ZNF578: variants seen among roughly 807,000 people sequenced by gnomAD.
ZNF578 encodes Putative chemokine-related protein B42.
ZNF578 carries 8 observed loss-of-function variants against 8.3 expected under a neutral mutation model. That is an observed-to-expected ratio of 0.96 (90% CI 0.56 to 1.74). The LOEUF is 1.74. Ranked by LOEUF, ZNF578 falls within the 40% of genes most tolerant of loss-of-function variation. The pLI, the probability that ZNF578 is intolerant of heterozygous loss-of-function variation, is 0.00. For missense variants in ZNF578, 726 were observed against 707.5 expected (o/e 1.03, Z -0.30); for synonymous variants, 206 against 232.2 (o/e 0.89, Z 1.03).
intron 3 of ZNF578, among the ~76,000 whole-genome samples, chr19:52,500,157 G>T (rs1296453448): frequency 2.0e-5 from 3 of 152,128 alleles, no homozygotes; most frequent in Non-Finnish European, 4.4e-5. Flanking sequence ...CACTGCGGCT[G>T]TGAAATCAGA....
intron 4 of ZNF578, among the ~76,000 whole-genome samples, chr19:52,504,438 G>A (rs533810021): frequency 1.1e-4 from 16 of 152,062 alleles, no homozygotes; most frequent in Admixed American, 5.2e-4. Context: ...CCATAAAATC[G>A]AGACTTCCAT....
At chr19:52,503,137 G>A (rs552790388) in intron 4 of ZNF578, among the ~76,000 whole-genome samples, 19 of 152,304 alleles carry the variant, frequency 1.2e-4, no homozygotes, top group Middle Eastern at 6.8e-3. Context: ...TGATCTGCCT[G>A]TCTTGGACTC....
intron 3 of ZNF578, among the ~76,000 whole-genome samples, chr19:52,493,579 AG>A (rs1414614371): frequency 4.6e-5 from 7 of 152,088 alleles, no homozygotes; most frequent in Non-Finnish European, 7.4e-5. Flanking sequence ...GAGTGGGGAC[AG>A]GGGGGTATAA....
At chr19:52,493,604 A>T (rs2059374576) in intron 3 of ZNF578, among the ~76,000 whole-genome samples, 1 of 152,048 alleles carries the variant, frequency 6.6e-6, no homozygotes, top group African/African-American at 2.4e-5. Context: ...GGAAGAGAGA[A>T]TTTAACAGGG....
In ZNF578 at chr19:52,511,756, G is replaced by C. The variant is rs1307552155; in HGVS notation, c.1375G>C (p.Glu459Gln). Residue 459 changes from glutamate (E) to glutamine (Q), a missense_variant, in exon 6 of 6, where the codon GAA (glutamate) becomes CAA (glutamine). Glu to Gln is a conservative substitution (Grantham distance 29). Transcript: ENST00000421239. ...TGGAGAGAAATCTTACAAATGTGAAGAATGTGACAGAGTTTTCAGTCAGAA... is the reference window on the plus strand; with the variant it reads ...TGGAGAGAAATCTTACAAATGTGAACAATGTGACAGAGTTTTCAGTCAGAA... ...HTGEKSYKCEECDRVFSQKSN... is the reference protein window; with the variant it reads ...HTGEKSYKCEQCDRVFSQKSN... 3 of 1,613,284 alleles carry C rather than the reference G, an allele frequency of 1.9e-6. No homozygotes were observed. The African/African-American group carries it at 4.0e-5, about 22-fold the overall frequency.
intron 3 of ZNF578, among the ~76,000 whole-genome samples, chr19:52,494,717 C>G (rs967306840): frequency 3.9e-5 from 6 of 152,114 alleles, no homozygotes; most frequent in African/African-American, 1.4e-4. Context: ...ATTCAGCCCG[C>G]GGGCAGTGAC....
chr19:52,511,868 C>A lies in ZNF578; in HGVS notation c.1487C>A (p.Ser496Ter). ...NECHKTFSHR[S>*]SLPCHRRLHS... is the part of the protein sequence containing the mutation. ...TGTCACAAGACCTTCAGTCACAGGTCATCTCTTCCATGCCATCGTAGACTT... is the reference window on the plus strand; with the variant it reads ...TGTCACAAGACCTTCAGTCACAGGTAATCTCTTCCATGCCATCGTAGACTT... The change falls in exon 6 of 6, where the codon TCA (serine) becomes TAA (stop). Residue 496 changes from serine (S) to a stop codon, truncating the protein, a stop_gained. Transcript: ENST00000421239. LOFTEE classifies it low-confidence loss of function (END_TRUNC). 3 of 1,613,744 alleles carry A rather than the reference C, an allele frequency of 1.9e-6. No homozygotes were observed. In the Admixed American group the frequency reaches 5.0e-5, roughly 27 times the overall value.
At chr19:52,478,553 C>A (rs959569346) in intron 2 of ZNF578, among the ~76,000 whole-genome samples, 1 of 152,014 alleles carries the variant, frequency 6.6e-6, no homozygotes, top group African/African-American at 2.4e-5. Flanking sequence ...GTGGGTGGGA[C>A]AACAGATTCT....
Position 52,512,533 on chromosome 19 carries a change from G to A in ZNF578, c.*379G>A, listed in dbSNP as rs1171073820. On this transcript the variant is annotated 3_prime_UTR_variant, in exon 6 of 6. Coordinates refer to ENST00000421239, the MANE Select transcript of ZNF578 (RefSeq NM_001099694.2). ...TTACAAATGTCATGACTGTGGCAAG[G>A]TCTTCAGTCAAGCTTCATCCTATGC... 2.0e-5 allele frequency among the ~76,000 whole-genome samples: 3 copies of A among 152,174 alleles called. No individual in the cohort carries two copies. The highest frequency in any genetic ancestry group is 3.9e-4 in the East Asian group (2 of 5,194).
intron 5 of ZNF578, among the ~76,000 whole-genome samples, chr19:52,507,363 G>T (rs2059429006): frequency 1.3e-5 from 2 of 152,150 alleles, no homozygotes; most frequent in South Asian, 4.1e-4. Context: ...ACTCCAGCCT[G>T]TATGACAGAG....
At chr19:52,465,409 C>T (rs1413944800) in intron 2 of ZNF578, among the ~76,000 whole-genome samples, 2 of 152,132 alleles carry the variant, frequency 1.3e-5, no homozygotes, top group Non-Finnish European at 1.5e-5. Flanking sequence ...TCTGGACTCT[C>T]CTTTTGGCTA....
At chr19:52,464,486 A>G (rs1343900484) in intron 2 of ZNF578, among the ~76,000 whole-genome samples, 1 of 152,138 alleles carries the variant, frequency 6.6e-6, no homozygotes, top group Non-Finnish European at 1.5e-5. Flanking sequence ...GTTTTTAAAG[A>G]ATTTTTTCTA....
At chr19:52,508,821 A>C (rs1466828865) in intron 5 of ZNF578, among the ~76,000 whole-genome samples, 2 of 150,696 alleles carry the variant, frequency 1.3e-5, no homozygotes, top group African/African-American at 2.4e-5. Flanking sequence ...GAAATCTGAT[A>C]ATCGCTTTTA....
At chr19:52,510,485 T>G (rs2059440511) in intron 5 of ZNF578, 87 bp from the exon 6 acceptor site, 1 of 1,387,998 alleles carries the variant, frequency 7.2e-7, no homozygotes, top group Non-Finnish European at 9.4e-7. Flanking sequence ...TTAAAATAAG[T>G]ATTTTTTATT....
intron 2 of ZNF578, chr19:52,474,710 A>T (rs562192505): frequency 8.7e-6 from 2 of 229,598 alleles, no homozygotes; most frequent in Non-Finnish European, 9.2e-6. Flanking sequence ...ACTTTGCCAA[A>T]TTTTTTTACA....
chr19:52,490,874 G>A (rs1218563346), intron 2 of ZNF578, among the ~76,000 whole-genome samples: 2 of 152,042 alleles, frequency 1.3e-5, no homozygotes, highest in Admixed American at 6.6e-5. Flanking sequence ...ATTGATTTTG[G>A]TTACTCTTAC....
chr19:52,459,710 G>GATATGTGTGT (rs199525072), intron 2 of ZNF578, among the ~76,000 whole-genome samples: 502 of 16,246 alleles, frequency 0.031, 20 homozygotes, highest in African/African-American at 0.11. Flanking sequence ...TGTATATGTA[G>GATATGTGTGT]ATATGTGTGT....
At chr19:52,474,264 G>A (rs1487563110) in intron 2 of ZNF578, 10 of 296,284 alleles carry the variant, frequency 3.4e-5, no homozygotes, top group Non-Finnish European at 6.2e-5. Context: ...TGAATTCTTC[G>A]ATGTCATACA....
At chr19:52,457,438 G>T (rs1035126899) in intron 2 of ZNF578, 1 of 152,138 alleles carries the variant, frequency 6.6e-6, no homozygotes, top group African/African-American at 2.4e-5. Context: ...ACTGGTAAAG[G>T]TAAGTAAGTG....
Sources: allele counts gnomAD v4.1 joint callset (sites outside exome capture counted in the v4.1 genomes callset), GRCh38; gene constraint gnomAD v4.1.1; transcripts MANE v1.5; gene names NCBI Gene and HGNC (gene_info 2026-07-23, HGNC 2026-07-21).